CNBD1: variants seen among roughly 807,000 people sequenced by gnomAD.
CNBD1 encodes the protein cyclic nucleotide binding domain containing 1.
CNBD1 carries 71 observed loss-of-function variants against 54.4 expected under a neutral mutation model. The observed-to-expected ratio is 1.30, with a 90% CI of 1.08 to 1.59. The LOEUF (loss-of-function observed/expected upper bound fraction) is 1.59. Among genes scored for constraint, CNBD1 ranks in the 40% most tolerant of loss-of-function variants. The pLI, the probability that CNBD1 is intolerant of heterozygous loss-of-function variation, is 0.00. For synonymous variants in CNBD1, 182 were observed against 170.7 expected (o/e 1.07, Z -0.51); for missense variants, 659 against 518.0 (o/e 1.27, Z -2.64).
intron 4 of CNBD1, among the ~76,000 whole-genome samples, chr8:87,058,281 T>C (rs1221394110): frequency 6.6e-6 from 1 of 152,166 alleles, no homozygotes; most frequent in Admixed American, 6.5e-5. Context: ...CCCAGCTGCT[T>C]TCACAGCTGG....
rs368946878 is a variant in CNBD1, at chr8:87,270,786, C to CCCTTTT, written c.772-13890_772-13885dup. 5.9e-4 allele frequency among the ~76,000 whole-genome samples: 89 copies of CCCTTTT among 151,560 alleles called. 2 individuals carry two copies. The East Asian group carries it at 8.2e-3, about 14-fold the overall frequency. Reference sequence around the variant, plus strand: ...CTTATAGAATGAGTTTGTAAGTATTCCCTTTTCTTTTTCTTCTTCTTATTC... The same window carrying CCCTTTT: ...CTTATAGAATGAGTTTGTAAGTATTCCCTTTTCCTTTTCTTTTTCTTCTTCTTATTC... On this transcript the variant is annotated intron_variant, in intron 6 of 10. Coordinates refer to ENST00000518476, the MANE Select transcript of CNBD1 (RefSeq NM_173538.3).
chr8:87,357,191 T>A (rs1810436607), intron 10 of CNBD1, among the ~76,000 whole-genome samples: 1 of 151,762 alleles, frequency 6.6e-6, no homozygotes, highest in Non-Finnish European at 1.5e-5. Context: ...ATAAGAGAAG[T>A]GCCAAAAGGA....
At chr8:87,425,818 A>T (rs527484509) in intron 2 of CNBD1, among the ~76,000 whole-genome samples, 13 of 150,806 alleles carry the variant, frequency 8.6e-5, no homozygotes, top group East Asian at 5.8e-4. Context: ...AGAGGCAGGC[A>T]GGCCTCCTTG....
intron 4 of CNBD1, among the ~76,000 whole-genome samples, chr8:87,152,736 A>T (rs1812633653): frequency 6.6e-6 from 1 of 152,106 alleles, no homozygotes; most frequent in Non-Finnish European, 1.5e-5. Context: ...TTATTTTTAT[A>T]TATTTATTTT....
At chr8:87,052,315 TTTAATA>T in intron 4 of CNBD1, among the ~76,000 whole-genome samples, 2 of 152,316 alleles carry the variant, frequency 1.3e-5, no homozygotes, top group Middle Eastern at 3.4e-3. Context: ...AAACTTGTTT[TTTAATA>T]TTAACTGCCC....
rs372411249 is a variant in CNBD1, at chr8:87,405,221, T to C, written c.214-23325T>C. 2.0e-5 allele frequency among the ~76,000 whole-genome samples: 3 copies of C among 152,068 alleles called. No homozygotes were observed. In the East Asian group the frequency reaches 5.8e-4, roughly 29 times the overall value. ...CTGAGAGATTTGAGTGTAATTCCAATCTCAAGCACTTAGAAGTTATATAAT... is the reference window on the plus strand; with the variant it reads ...CTGAGAGATTTGAGTGTAATTCCAACCTCAAGCACTTAGAAGTTATATAAT... On this transcript the variant is annotated intron_variant, in intron 2 of 7. Coordinates refer to the CNBD1 transcript ENST00000521593.
chr8:87,065,828 T>C (rs1050470177), intron 4 of CNBD1, among the ~76,000 whole-genome samples: 2 of 151,908 alleles, frequency 1.3e-5, no homozygotes, highest in African/African-American at 4.8e-5. Flanking sequence ...CACCTATAAA[T>C]AGGAGAGTTG....
intron 4 of CNBD1, among the ~76,000 whole-genome samples, chr8:87,060,301 A>G (rs1272028336): frequency 2.6e-5 from 4 of 152,214 alleles, no homozygotes; most frequent in Non-Finnish European, 5.9e-5. Flanking sequence ...GTTTGTGGCA[A>G]TTCATTATGC....
At chr8:87,387,267 C>A (rs113055867), downstream of CNBD1, among the ~76,000 whole-genome samples, 86,044 of 151,880 alleles carry the variant, frequency 0.57, 25,899 homozygotes, top group African/African-American at 0.77. Flanking sequence ...ATTAACCTTA[C>A]ATGTAAATGG....
intron 2 of CNBD1, among the ~76,000 whole-genome samples, chr8:87,396,891 CTT>C (rs34163158): frequency 1.4e-4 from 19 of 139,450 alleles, no homozygotes; most frequent in African/African-American, 4.2e-4. Context: ...AGTTTGTTTT[CTT>C]TTTTTTTTTT....
Position 87,327,292 on chromosome 8 carries a change from C to T in CNBD1, c.1043-24393C>T, listed in dbSNP as rs1295094771. Among the ~76,000 whole-genome samples the T allele has an allele frequency of 4.7e-5, 7 of 148,992 alleles. No individual in the cohort carries two copies. In the East Asian group the frequency reaches 1.4e-3, roughly 29 times the overall value. On this transcript the variant is annotated intron_variant, in intron 8 of 10. Coordinates refer to ENST00000518476, the MANE Select transcript of CNBD1 (RefSeq NM_173538.3). ...GCCCTGCCCCCAGAGGTGGAGCCTA[C>T]AGAGGCAGGCTGGCCTCCTTGAGCT...
At chr8:87,400,541 A>T (rs996357874) in intron 2 of CNBD1, among the ~76,000 whole-genome samples, 3 of 152,008 alleles carry the variant, frequency 2.0e-5, no homozygotes, top group Admixed American at 6.6e-5. Context: ...CATCAATAAA[A>T]TTTTTCAAGA....
downstream of CNBD1, among the ~76,000 whole-genome samples, chr8:87,385,453 G>A (rs1201537955): frequency 6.6e-6 from 1 of 151,848 alleles, no homozygotes; most frequent in African/African-American, 2.4e-5. Flanking sequence ...TTAGCAAATG[G>A]CACACCAGGA....
At chr8:87,052,196 G>T (rs558842348) in intron 4 of CNBD1, among the ~76,000 whole-genome samples, 1 of 152,158 alleles carries the variant, frequency 6.6e-6, no homozygotes, top group Non-Finnish European at 1.5e-5. Context: ...CCTGGTCCCT[G>T]TTGTAAAAGA....
chr8:87,227,170 G>C (rs1485104332), intron 5 of CNBD1, among the ~76,000 whole-genome samples: 275 of 151,972 alleles, frequency 1.8e-3, no homozygotes, highest in South Asian at 7.5e-3. Context: ...ATACAGCACA[G>C]TGATGGGTCT....
chr8:86,974,182 T>C (rs571558413), intron 4 of CNBD1, among the ~76,000 whole-genome samples: 2 of 152,090 alleles, frequency 1.3e-5, no homozygotes, highest in East Asian at 3.9e-4. Flanking sequence ...GTCAAGGAAA[T>C]ACAAATTAAA....
chr8:87,313,564 A>G (rs1300016009), intron 8 of CNBD1, among the ~76,000 whole-genome samples: 1 of 151,998 alleles, frequency 6.6e-6, no homozygotes, highest in African/African-American at 2.4e-5. Context: ...ACCATAGAAT[A>G]TCATTTAGCA....
At chr8:87,379,228 G>T (rs935280913) in intron 10 of CNBD1, among the ~76,000 whole-genome samples, 4 of 151,912 alleles carry the variant, frequency 2.6e-5, no homozygotes, top group African/African-American at 9.7e-5. Flanking sequence ...TCCCTGTCTT[G>T]TGAAAGTCCT....
At chr8:87,004,920 T>A (rs1246285407) in intron 4 of CNBD1, among the ~76,000 whole-genome samples, 1 of 152,126 alleles carries the variant, frequency 6.6e-6, no homozygotes, top group Non-Finnish European at 1.5e-5. Context: ...AAATGGGTGG[T>A]GATAAAATAA....
Sources: allele counts gnomAD v4.1 joint callset (sites outside exome capture counted in the v4.1 genomes callset), GRCh38; gene constraint gnomAD v4.1.1; transcripts MANE v1.5; gene names NCBI Gene and HGNC (gene_info 2026-07-23, HGNC 2026-07-21).